Variants in TEX9 observed in about 807,000 individuals in gnomAD.
The protein encoded by TEX9 is testis expressed 9, also known as testis-expressed protein 9.
TEX9 carries 74 observed loss-of-function variants against 59.6 expected under a neutral mutation model. The observed-to-expected ratio is 1.24, with a 90% CI of 1.03 to 1.51. TEX9 has a LOEUF of 1.51. TEX9 is among the 40% of genes most tolerant of loss of function. The pLI is 0.00. For synonymous variants in TEX9, 186 were observed against 152.2 expected, an observed-to-expected ratio of 1.22 and a Z score of -1.64; for missense variants, 522 against 447.8, an observed-to-expected ratio of 1.17 and a Z score of -1.49.
intron 1 of TEX9, among the ~76,000 whole-genome samples, chr15:56,297,733 G>A (rs772304505): frequency 7.1e-4 from 108 of 152,326 alleles, no homozygotes; most frequent in Non-Finnish European, 1.2e-3. Context: ...TTGAATGCCT[G>A]CCATCAGGCA....
At chr15:56,346,922 T>C (rs2046481804) in intron 1 of TEX9, among the ~76,000 whole-genome samples, 1 of 152,218 alleles carries the variant, frequency 6.6e-6, no homozygotes, top group African/African-American at 2.4e-5. Context: ...ATTGTATTTC[T>C]GTATACTAGC....
intron 1 of TEX9, among the ~76,000 whole-genome samples, chr15:56,335,592 CAG>C (rs1483199836): frequency 6.6e-6 from 1 of 152,040 alleles, no homozygotes; most frequent in Non-Finnish European, 1.5e-5. Flanking sequence ...GCTAGCATAA[CAG>C]GGTGATTATA....
chr15:56,386,178 A>G (rs1172683384), intron 4 of TEX9, among the ~76,000 whole-genome samples: 1 of 152,048 alleles, frequency 6.6e-6, no homozygotes, highest in Non-Finnish European at 1.5e-5. Flanking sequence ...AAGCCAGGCT[A>G]AAAAACGTCC....
intron 1 of TEX9, among the ~76,000 whole-genome samples, chr15:56,286,980 A>T (rs532887429): frequency 6.6e-6 from 1 of 152,280 alleles, no homozygotes; most frequent in African/African-American, 2.4e-5. Context: ...AAACTCAGGG[A>T]TAGGGGAAAT....
At chr15:56,334,368 A>T (rs116654030) in intron 1 of TEX9, among the ~76,000 whole-genome samples, 1 of 152,214 alleles carries the variant, frequency 6.6e-6, no homozygotes, top group East Asian at 1.9e-4. Context: ...ACCTACAGTG[A>T]ACTCATTTTT....
At chr15:56,392,641 T>C (rs1161215278) in intron 7 of TEX9, among the ~76,000 whole-genome samples, 1 of 129,780 alleles carries the variant, frequency 7.7e-6, no homozygotes, top group African/African-American at 2.5e-5. Flanking sequence ...ATATGTATAA[T>C]AATTATTGTG....
intron 1 of TEX9, among the ~76,000 whole-genome samples, chr15:56,258,006 T>C (rs2044181664): frequency 6.6e-6 from 1 of 152,178 alleles, no homozygotes; most frequent in African/African-American, 2.4e-5. Flanking sequence ...TTTCTTCATA[T>C]GGCTAGCCTG....
At chr15:56,367,118 T>A (rs754894116) in intron 2 of TEX9, among the ~76,000 whole-genome samples, 2 of 152,152 alleles carry the variant, frequency 1.3e-5, no homozygotes, top group Admixed American at 6.5e-5. Flanking sequence ...CTGCTTAAAA[T>A]GAGAAATATA....
intron 1 of TEX9, among the ~76,000 whole-genome samples, chr15:56,275,148 A>C (rs2044639174): frequency 6.6e-6 from 1 of 152,088 alleles, no homozygotes; most frequent in African/African-American, 2.4e-5. Flanking sequence ...AAAAATTTCT[A>C]ATGGTCTAGA....
In TEX9 at chr15:56,400,568, A is replaced by G. The variant is rs539245882; in HGVS notation, c.828+5734A>G. 1.3e-3 allele frequency among the ~76,000 whole-genome samples: 200 copies of G among 152,340 alleles called. 1 individual carries two copies. The highest frequency in any genetic ancestry group is 4.7e-3 in the African/African-American group (197 of 41,570). ...CAAGTTGGAAAACACTCTTCAGGAT[A>G]TTTCCCAGGAGAACTTCCCCAACCT... On this transcript the variant is annotated intron_variant, in intron 9 of 12. Coordinates refer to ENST00000352903, the Ensembl canonical transcript of TEX9.
chr15:56,376,407 A>G (rs188872287), intron 3 of TEX9, among the ~76,000 whole-genome samples: 1 of 152,162 alleles, frequency 6.6e-6, no homozygotes, highest in Non-Finnish European at 1.5e-5. Context: ...CATCCTTACC[A>G]GCATTTGTTA....
At position 56,274,403 on chromosome 15, in the gene TEX9, A is replaced by T. The variant is rs186505055; in HGVS notation, c.-107+30125A>T. On this transcript the variant is annotated intron_variant, in intron 1 of 5. Transcript: ENST00000560827. ...TTCCCACTAGAACCATATTAATTGT[A>T]GTTATTTTAAGTTACTTGTCAGATA... is the stretch of plus-strand genomic sequence containing the variant. The T allele has an allele frequency of 3.3e-5, 5 of 152,258 alleles. No individual in the cohort carries two copies. In the East Asian group the frequency reaches 9.7e-4, roughly 29 times the overall value. The allele number at this position is 152,258 out of a possible 1,614,324, so 9.4% of individuals were successfully genotyped here. A position where few individuals can be genotyped will look rare whatever the true frequency, so the allele number is the denominator to read the frequency against.
At chr15:56,436,224 A>C (rs926246482) in intron 12 of TEX9, among the ~76,000 whole-genome samples, 4 of 152,154 alleles carry the variant, frequency 2.6e-5, no homozygotes, top group Admixed American at 2.0e-4. Context: ...CTCCTCAGCA[A>C]ATGTAAAAGA....
At chr15:56,363,366 A>C (rs2046826942), upstream of TEX9, among the ~76,000 whole-genome samples, 1 of 149,684 alleles carries the variant, frequency 6.7e-6, no homozygotes, top group Non-Finnish European at 1.5e-5. Flanking sequence ...CCAGCATTTC[A>C]CCATGTTGGC....
intron 1 of TEX9, among the ~76,000 whole-genome samples, chr15:56,356,271 T>C (rs1164616246): frequency 1.3e-5 from 2 of 152,146 alleles, no homozygotes; most frequent in Non-Finnish European, 2.9e-5. Context: ...AGGGTTTTTT[T>C]GAGATGCCCT....
chr15:56,459,822 C>A, the TEX9 span, among the ~76,000 whole-genome samples: 1 of 149,860 alleles, frequency 6.7e-6, no homozygotes, highest in South Asian at 2.1e-4. Context: ...GAAACCCCAT[C>A]CCTACTAAAA....
intron 1 of TEX9, among the ~76,000 whole-genome samples, chr15:56,272,225 C>A (rs1307382432): frequency 6.6e-6 from 1 of 152,078 alleles, no homozygotes; most frequent in African/African-American, 2.4e-5. Flanking sequence ...AATACCAGAA[C>A]ATTTCCATCG....
At chr15:56,355,346 A>T (rs2046664439) in intron 1 of TEX9, among the ~76,000 whole-genome samples, 1 of 152,176 alleles carries the variant, frequency 6.6e-6, no homozygotes, top group African/African-American at 2.4e-5. Context: ...ATGGATCAAG[A>T]TTAGCTTTTT....
chr15:56,438,332 CT>C (rs1177317562), intron 12 of TEX9, among the ~76,000 whole-genome samples: 50 of 151,344 alleles, frequency 3.3e-4, no homozygotes, highest in African/African-American at 1.0e-3. Context: ...ACCATCTGCT[CT>C]TTTTTTTTGT....
Sources: allele counts gnomAD v4.1 joint callset (sites outside exome capture counted in the v4.1 genomes callset), GRCh38; gene constraint gnomAD v4.1.1; transcripts MANE v1.5; gene names NCBI Gene and HGNC (gene_info 2026-07-23, HGNC 2026-07-21).